NKAIN3: variants seen among roughly 807,000 people sequenced by gnomAD.
NKAIN3 encodes the protein sodium/potassium-transporting ATPase subunit beta-1-interacting protein 3.
A neutral mutation model predicts 30.2 loss-of-function variants in NKAIN3; 25 were observed. The ratio of observed to expected loss-of-function variants is 0.83; its 90% CI spans 0.60 to 1.16. The LOEUF (loss-of-function observed/expected upper bound fraction) is 1.16, where lower values mean the gene tolerates loss of function less well. Ranked by LOEUF, NKAIN3 falls within the 50% of genes most tolerant of loss-of-function variation. The pLI is 0.00. For synonymous variants in NKAIN3, 91 were observed against 89.6 expected (o/e 1.02, Z -0.09); for missense variants, 225 against 254.1 (o/e 0.89, Z 0.78).
At chr8:62,321,039 TTC>T (rs1227398730) in intron 1 of NKAIN3, among the ~76,000 whole-genome samples, 1 of 152,194 alleles carries the variant, frequency 6.6e-6, no homozygotes, top group Admixed American at 6.5e-5. Context: ...TTTCTTTTTA[TTC>T]TTTTTTCTCT....
At position 62,565,751 on chromosome 8, in the gene NKAIN3, G is replaced by A. The variant is rs539038870; in HGVS notation, c.55-13788G>A. ...CCATTGTAAATTGAATATATTGAAA[G>A]TCAAAAATGCATTTAATACACTGAA... On this transcript the variant is annotated intron_variant, in intron 1 of 6. Transcript: ENST00000623646. 1.3e-4 allele frequency among the ~76,000 whole-genome samples: 19 copies of A among 151,882 alleles called. No individual in the cohort carries two copies. In the South Asian group the frequency reaches 3.7e-3, roughly 30 times the overall value.
intron 3 of NKAIN3, among the ~76,000 whole-genome samples, chr8:62,623,390 T>G (rs1811681761): frequency 6.6e-6 from 1 of 152,112 alleles, no homozygotes; most frequent in Admixed American, 6.6e-5. Context: ...AAACAGTATA[T>G]GTGTATTTGT....
At chr8:62,728,183 TAAAATGC>T (rs1390192938) in intron 3 of NKAIN3, among the ~76,000 whole-genome samples, 1 of 152,096 alleles carries the variant, frequency 6.6e-6, no homozygotes, top group Non-Finnish European at 1.5e-5. Flanking sequence ...TACACAAATG[TAAAATGC>T]AAAACTATAT....
chr8:62,533,550 C>T (rs1808554652), intron 1 of NKAIN3, among the ~76,000 whole-genome samples: 1 of 152,198 alleles, frequency 6.6e-6, no homozygotes, highest in Non-Finnish European at 1.5e-5. Context: ...CTCTAAAGAA[C>T]ATGAATTACA....
At chr8:62,536,570 G>A (rs1010592073) in intron 1 of NKAIN3, among the ~76,000 whole-genome samples, 2 of 151,874 alleles carry the variant, frequency 1.3e-5, no homozygotes, top group African/African-American at 2.4e-5. Context: ...TCCAAGTGGT[G>A]GCTGTGGGGA....
intron 1 of NKAIN3, among the ~76,000 whole-genome samples, chr8:62,484,581 G>A (rs117119356): frequency 2.0e-4 from 31 of 152,244 alleles, no homozygotes; most frequent in East Asian, 3.9e-4. Flanking sequence ...TCAAATCTTC[G>A]TTTACAAACT....
intron 4 of NKAIN3, among the ~76,000 whole-genome samples, chr8:62,816,081 CAT>C (rs1818668877): frequency 6.6e-6 from 1 of 152,078 alleles, no homozygotes; most frequent in Non-Finnish European, 1.5e-5. Flanking sequence ...TTGAGAGTGT[CAT>C]GTTTCCTTGC....
At chr8:62,849,163 A>G (rs1277043637) in intron 4 of NKAIN3, among the ~76,000 whole-genome samples, 1 of 152,076 alleles carries the variant, frequency 6.6e-6, no homozygotes, top group Non-Finnish European at 1.5e-5. Flanking sequence ...TATCAGGATA[A>G]TGGTGGCCTC....
At chr8:62,265,298 G>A (rs1316191295) in intron 1 of NKAIN3, among the ~76,000 whole-genome samples, 1 of 152,156 alleles carries the variant, frequency 6.6e-6, no homozygotes, top group Admixed American at 6.6e-5. Context: ...CAAACTGCCA[G>A]GCATAATCAA....
At chr8:62,507,403 TTTTA>T (rs1163217504) in intron 1 of NKAIN3, among the ~76,000 whole-genome samples, 1 of 152,180 alleles carries the variant, frequency 6.6e-6, no homozygotes, top group Non-Finnish European at 1.5e-5. Context: ...AAGAGAATCA[TTTTA>T]TTTGTCTTCC....
intron 4 of NKAIN3, among the ~76,000 whole-genome samples, chr8:62,758,258 T>A (rs1816521365): frequency 6.6e-6 from 1 of 152,148 alleles, no homozygotes; most frequent in South Asian, 2.1e-4. Flanking sequence ...ACACGACAAC[T>A]AAATAAAACT....
At chr8:62,517,401 G>A (rs1219575908) in intron 1 of NKAIN3, among the ~76,000 whole-genome samples, 3 of 152,100 alleles carry the variant, frequency 2.0e-5, no homozygotes, top group Non-Finnish European at 4.4e-5. Context: ...CCCAGTTTTG[G>A]TAGTGATACA....
At chr8:62,558,333 A>T (rs1007384011) in intron 1 of NKAIN3, among the ~76,000 whole-genome samples, 1 of 152,132 alleles carries the variant, frequency 6.6e-6, no homozygotes, top group Non-Finnish European at 1.5e-5. Context: ...GCTTGAAATC[A>T]GGTAATGTGA....
At chr8:62,348,593 C>A (rs1381338829) in intron 1 of NKAIN3, among the ~76,000 whole-genome samples, 3 of 152,106 alleles carry the variant, frequency 2.0e-5, no homozygotes, top group African/African-American at 7.2e-5. Context: ...TTAGGCTGCT[C>A]AATGGGACTA....
chr8:62,356,327 A>C (rs1816355302), intron 1 of NKAIN3, among the ~76,000 whole-genome samples: 1 of 152,188 alleles, frequency 6.6e-6, no homozygotes, highest in Admixed American at 6.5e-5. Context: ...AAATAGGAAA[A>C]ATGTATATAC....
At chr8:62,568,865 A>G (rs922235612) in intron 1 of NKAIN3, among the ~76,000 whole-genome samples, 21 of 149,360 alleles carry the variant, frequency 1.4e-4, no homozygotes, top group Middle Eastern at 3.5e-3. Flanking sequence ...TCTGGAGACA[A>G]TTTTTTCACC....
At chr8:62,812,175 C>T (rs562520635) in intron 4 of NKAIN3, among the ~76,000 whole-genome samples, 26 of 151,932 alleles carry the variant, frequency 1.7e-4, no homozygotes, top group Admixed American at 1.3e-3. Context: ...CTGGATTCCC[C>T]TTTTTGTTCC....
At chr8:62,579,357 G>A (rs35489938) in intron 1 of NKAIN3, among the ~76,000 whole-genome samples, 182 bp from the exon 2 acceptor site, 56,147 of 151,778 alleles carry the variant, frequency 0.37, 12,233 homozygotes, top group Non-Finnish European at 0.49. Flanking sequence ...AACTATCTTA[G>A]TATATTTTGA....
chr8:62,796,886 C>T (rs1304342002), intron 4 of NKAIN3, among the ~76,000 whole-genome samples: 2 of 151,854 alleles, frequency 1.3e-5, no homozygotes, highest in Admixed American at 6.6e-5. Flanking sequence ...TCCATTAGCA[C>T]TTCAAGTGTG....
Sources: allele counts gnomAD v4.1 joint callset (sites outside exome capture counted in the v4.1 genomes callset), GRCh38; gene constraint gnomAD v4.1.1; transcripts MANE v1.5; gene names NCBI Gene and HGNC (gene_info 2026-07-23, HGNC 2026-07-21).